The following LSM14A variants were observed in gnomAD, a reference collection of about 807,000 sequenced individuals.
LSM14A encodes the protein protein LSM14 homolog A.
Under a neutral mutation model 52.4 loss-of-function variants are expected in LSM14A, and 14 were observed. That is an observed-to-expected ratio of 0.27 (90% CI 0.18 to 0.42). The LOEUF (loss-of-function observed/expected upper bound fraction) is 0.42. Among genes scored for constraint, LSM14A ranks in the 10% least tolerant of loss-of-function variants. LSM14A has a pLI of 1.00. For synonymous variants in LSM14A, 185 were observed against 200.3 expected, an observed-to-expected ratio of 0.92 and a Z score of 0.64; for missense variants, 417 against 581.8, an observed-to-expected ratio of 0.72 and a Z score of 2.91.
At chr19:34,188,366 T>C (rs612201) in intron 1 of LSM14A, among the ~76,000 whole-genome samples, 75,135 of 151,972 alleles carry the variant, frequency 0.49, 19,287 homozygotes, top group Middle Eastern at 0.58. Context: ...CAACCACCCC[T>C]AGTTTCCCCA....
intron 6 of LSM14A, among the ~76,000 whole-genome samples, chr19:34,216,696 T>C (rs987168996): frequency 1.3e-5 from 2 of 152,048 alleles, no homozygotes; most frequent in African/African-American, 4.8e-5. Flanking sequence ...CTGACCTTAT[T>C]TTCCACCCAC....
At chr19:34,189,950 C>T (rs929994684) in intron 1 of LSM14A, among the ~76,000 whole-genome samples, 2 of 152,108 alleles carry the variant, frequency 1.3e-5, no homozygotes, top group East Asian at 1.9e-4. Flanking sequence ...CTGTTGTTAC[C>T]TGCAAATGCA....
chr19:34,214,673 T>A (rs1394749642), intron 4 of LSM14A, among the ~76,000 whole-genome samples: 1 of 152,238 alleles, frequency 6.6e-6, no homozygotes, highest in Non-Finnish European at 1.5e-5. Flanking sequence ...AAGGTATTGT[T>A]TTAGTCATCT....
At chr19:34,188,375 C>T (rs985791422) in intron 1 of LSM14A, among the ~76,000 whole-genome samples, 13 of 152,168 alleles carry the variant, frequency 8.5e-5, no homozygotes, top group Admixed American at 5.9e-4. Flanking sequence ...CTAGTTTCCC[C>T]ATTCTCCCCA....
At chr19:34,225,642 G>A (rs144195088) in intron 9 of LSM14A, among the ~76,000 whole-genome samples, 137 of 152,166 alleles carry the variant, frequency 9.0e-4, no homozygotes, top group African/African-American at 3.3e-3. Context: ...GAATCTCTAC[G>A]CTACCACACT....
chr19:34,174,177 G>A (rs921574265), intron 1 of LSM14A, among the ~76,000 whole-genome samples: 1 of 152,208 alleles, frequency 6.6e-6, no homozygotes, highest in South Asian at 2.1e-4. Flanking sequence ...TCGAACTCCT[G>A]ACCTCAGGTG....
At chr19:34,208,499 C>T (rs2071876221) in intron 3 of LSM14A, 1 of 153,196 alleles carries the variant, frequency 6.5e-6, no homozygotes, top group Non-Finnish European at 1.5e-5. Flanking sequence ...TGTCTATTGC[C>T]TTGGAAATGC....
chr19:34,210,665 A>G (rs2072071905), intron 4 of LSM14A, among the ~76,000 whole-genome samples: 1 of 152,076 alleles, frequency 6.6e-6, no homozygotes, highest in South Asian at 2.1e-4. Flanking sequence ...CAGTGGTGTG[A>G]TCATGGCTCA....
At chr19:34,211,793 C>T (rs181084583) in intron 4 of LSM14A, among the ~76,000 whole-genome samples, 13 of 150,562 alleles carry the variant, frequency 8.6e-5, no homozygotes, top group South Asian at 2.1e-4. Context: ...CTGTCCCCCC[C>T]CAAAAAAAAA....
Position 34,229,275 on chromosome 19 carries a change from T to C in LSM14A, c.*1887T>C, listed in dbSNP as rs1052000967. 7 of 152,194 alleles carry C rather than the reference T, an allele frequency of 4.6e-5. No individual in the cohort carries two copies. Among genetic ancestry groups the C allele is most frequent in the Admixed American group, 2.6e-4 (4 of 15,282 alleles). The allele number at this position is 152,194 out of a possible 1,614,324, so 9.4% of individuals were successfully genotyped here. A position where few individuals can be genotyped will look rare whatever the true frequency, so the allele number is the denominator to read the frequency against. On this transcript the variant is annotated 3_prime_UTR_variant, in exon 10 of 10. Transcript: ENST00000544216. ...TTTTTATTCTAAAACAGAATAAAAC[T>C]GTTCAATAAAAAATGCTCGTCAAAG...
chr19:34,185,475 G>A (rs908325518), intron 1 of LSM14A, among the ~76,000 whole-genome samples: 1 of 152,066 alleles, frequency 6.6e-6, no homozygotes, highest in East Asian at 1.9e-4. Context: ...AGAGAGTGCA[G>A]ATGTGCAAAA....
chr19:34,193,975 A>G (rs1448924831), intron 1 of LSM14A, among the ~76,000 whole-genome samples: 2 of 152,222 alleles, frequency 1.3e-5, no homozygotes, highest in African/African-American at 4.8e-5. Flanking sequence ...GTTCAAGACC[A>G]GCCTGTGCAA....
intron 8 of LSM14A, 108 bp from the exon 9 acceptor site, chr19:34,221,399 T>G: frequency 1.6e-6 from 2 of 1,243,480 alleles, no homozygotes; most frequent in Non-Finnish European, 2.2e-6. Context: ...TTATTTCTAA[T>G]TAGCTTTAGT....
chr19:34,178,454 C>G (rs2069236168), intron 1 of LSM14A, among the ~76,000 whole-genome samples: 1 of 152,156 alleles, frequency 6.6e-6, no homozygotes, highest in African/African-American at 2.4e-5. Flanking sequence ...TATAGATGAT[C>G]TGTGTTGCAG....
intron 1 of LSM14A, among the ~76,000 whole-genome samples, chr19:34,174,457 G>C (rs1192000064): frequency 6.6e-6 from 1 of 152,206 alleles, no homozygotes; most frequent in Non-Finnish European, 1.5e-5. Context: ...AAACCAGGGA[G>C]TACCCCCACA....
At chr19:34,172,850 C>T (rs2068798746) in intron 1 of LSM14A, 87 bp downstream of exon 1, 2 of 1,401,610 alleles carry the variant, frequency 1.4e-6, no homozygotes, top group South Asian at 1.4e-5. Context: ...TCCTCGTTCC[C>T]TCCCCTCCCT....
rs1331106470 is a variant in LSM14A at position 34,217,628 on chromosome 19, T to G, written c.782-1763T>G. On this transcript the variant is annotated intron_variant, in intron 6 of 9. Coordinates refer to ENST00000544216, the MANE Select transcript of LSM14A (RefSeq NM_015578.4). ...TATCCCCCCCCCCCGTGTTTTTTTT[T>G]TTTTTTTTTTTTTTTTTGAGACAGA... 6.9e-5 allele frequency among the ~76,000 whole-genome samples: 8 copies of G among 115,678 alleles called. No individual in the cohort carries two copies. The South Asian group carries it at 2.0e-3, about 28-fold the overall frequency. The allele number at this position is 115,678 out of a possible 152,430, so 75.9% of individuals were successfully genotyped here.
chr19:34,214,992 T>A (rs1443276800), intron 4 of LSM14A, 132 bp from the exon 5 acceptor site: 2 of 577,962 alleles, frequency 3.5e-6, no homozygotes, highest in Non-Finnish European at 3.0e-6. Flanking sequence ...TCTGGTCTGA[T>A]AAGTGGATTA....
intron 3 of LSM14A, among the ~76,000 whole-genome samples, chr19:34,206,546 G>A (rs908125182): frequency 9.3e-5 from 14 of 149,964 alleles, no homozygotes; most frequent in African/African-American, 3.4e-4. Context: ...ATGGTGGCGC[G>A]CGCCTGTAGT....
Sources: allele counts gnomAD v4.1 joint callset (sites outside exome capture counted in the v4.1 genomes callset), GRCh38; gene constraint gnomAD v4.1.1; transcripts MANE v1.5; gene names NCBI Gene and HGNC (gene_info 2026-07-23, HGNC 2026-07-21).